Variants in BORCS5 observed in about 807,000 individuals in gnomAD.
The protein encoded by BORCS5 is BLOC-1 related complex subunit 5.
A neutral mutation model predicts 22.1 loss-of-function variants in BORCS5; 17 were observed. That is an observed-to-expected ratio of 0.77 (90% CI 0.53 to 1.15). The LOEUF is 1.15. Among genes scored for constraint, BORCS5 ranks in the 50% most tolerant of loss-of-function variants. The probability of loss-of-function intolerance (pLI) is 0.00; values close to 1 mark genes in which losing one functional copy is unlikely to be tolerated. For synonymous variants in BORCS5, 117 were observed against 99.8 expected, an observed-to-expected ratio of 1.17 and a Z score of -1.03; for missense variants, 247 against 253.2, an observed-to-expected ratio of 0.98 and a Z score of 0.17.
chr12:12,401,753 A>G (rs1941481645), intron 2 of BORCS5, among the ~76,000 whole-genome samples: 1 of 152,118 alleles, frequency 6.6e-6, no homozygotes, highest in Non-Finnish European at 1.5e-5. Context: ...ATGTCATTGG[A>G]TATTGTTTGA....
At position 12,402,065 on chromosome 12, in the gene BORCS5, C is replaced by CA. The variant is rs550592058; in HGVS notation, c.203-33544dup. Reference sequence around the variant, plus strand: ...TGGGCTACAGAGCGAGACTCCGTCTCAAAAAAAAAAAAAAAAAAAGTGTAA... The same window carrying CA: ...TGGGCTACAGAGCGAGACTCCGTCTCAAAAAAAAAAAAAAAAAAAAGTGTAA... On this transcript the variant is annotated intron_variant, in intron 2 of 3. Coordinates refer to ENST00000314565, the MANE Select transcript of BORCS5 (RefSeq NM_058169.6). Among the ~76,000 whole-genome samples, 934 of 94,060 alleles carry CA rather than the reference C, an allele frequency of 9.9e-3. 6 individuals carry two copies. The highest frequency in any genetic ancestry group is 0.025 in the Middle Eastern group (4 of 160). 61.7% of individuals were successfully genotyped at this position (94,060 alleles called of 152,430 possible).
intron 2 of BORCS5, among the ~76,000 whole-genome samples, chr12:12,373,487 A>G (rs1316410546): frequency 1.3e-5 from 2 of 152,152 alleles, no homozygotes; most frequent in African/African-American, 4.8e-5. Flanking sequence ...TGAGTGTTTC[A>G]TATATTTTTG....
chr12:12,461,742 A>C (rs1031733082), intron 3 of BORCS5, among the ~76,000 whole-genome samples: 1 of 152,170 alleles, frequency 6.6e-6, no homozygotes, highest in Non-Finnish European at 1.5e-5. Context: ...GAAGCAACAA[A>C]GAGTGCATGC....
At chr12:12,362,585 G>A (rs1332650938) in intron 2 of BORCS5, among the ~76,000 whole-genome samples, 1 of 143,750 alleles carries the variant, frequency 7.0e-6, no homozygotes, top group Non-Finnish European at 1.5e-5. Flanking sequence ...TTAGACTTTG[G>A]TAAACATTCT....
At chr12:12,386,062 G>A (rs1863872555) in intron 2 of BORCS5, among the ~76,000 whole-genome samples, 1 of 149,864 alleles carries the variant, frequency 6.7e-6, no homozygotes, top group African/African-American at 2.5e-5. Flanking sequence ...GTGCAGTGGC[G>A]CAGTCTTGGC....
chr12:12,449,725 G>GT (rs1239031845), intron 3 of BORCS5, among the ~76,000 whole-genome samples: 2 of 152,228 alleles, frequency 1.3e-5, no homozygotes, highest in East Asian at 3.8e-4. Context: ...TGTCCAGTAT[G>GT]TGGAAATCGA....
intron 2 of BORCS5, among the ~76,000 whole-genome samples, chr12:12,415,851 A>G (rs1941933577): frequency 6.6e-6 from 1 of 152,090 alleles, no homozygotes; most frequent in African/African-American, 2.4e-5. Context: ...TAGATGAGTT[A>G]GGGAGTGTTT....
At chr12:12,390,787 TAA>T (rs57681818) in intron 2 of BORCS5, among the ~76,000 whole-genome samples, 2 of 146,262 alleles carry the variant, frequency 1.4e-5, no homozygotes, top group East Asian at 2.0e-4. Flanking sequence ...CCCTGTCTCT[TAA>T]AAAAAAAAAA....
At chr12:12,461,217 G>C (rs556932938) in intron 3 of BORCS5, among the ~76,000 whole-genome samples, 3 of 148,956 alleles carry the variant, frequency 2.0e-5, no homozygotes, top group Admixed American at 6.7e-5. Flanking sequence ...TTTCCAGGCT[G>C]GAGTGTAGCG....
intron 2 of BORCS5, among the ~76,000 whole-genome samples, chr12:12,365,414 C>T (rs1408469081): frequency 4.0e-5 from 6 of 151,660 alleles, no homozygotes; most frequent in Admixed American, 3.3e-4. Flanking sequence ...TCCTGGACTC[C>T]AGTGCTCCTC....
At chr12:12,392,847 T>C (rs1941231660) in intron 2 of BORCS5, among the ~76,000 whole-genome samples, 1 of 152,120 alleles carries the variant, frequency 6.6e-6, no homozygotes, top group Non-Finnish European at 1.5e-5. Context: ...CTGTATCTAT[T>C]TGGCACCCAT....
chr12:12,402,293 CA>C (rs1239543955), intron 2 of BORCS5, among the ~76,000 whole-genome samples: 1 of 152,018 alleles, frequency 6.6e-6, no homozygotes, highest in East Asian at 1.9e-4. Flanking sequence ...AGCAGGGCAT[CA>C]AGGGAGAAAA....
intron 3 of BORCS5, among the ~76,000 whole-genome samples, chr12:12,438,379 A>AAAAT (rs1491307081): frequency 0.06 from 7,273 of 121,390 alleles, 388 homozygotes; most frequent in African/African-American, 0.12. Context: ...AAAAAAAAAA[A>AAAAT]ACGAAAAACA....
In BORCS5 at chr12:12,385,517, T is replaced by A. The variant is rs1044369606; in HGVS notation, c.202+24168T>A. On this transcript the variant is annotated intron_variant, in intron 2 of 3. Transcript: ENST00000314565. ...TCTCACTATTTTTACCCAAGTTCTT[T>A]TTTTTTTTTTGAGATGGAGTCACAC... is the stretch of plus-strand genomic sequence containing the variant. 2.3e-4 allele frequency among the ~76,000 whole-genome samples: 34 copies of A among 150,572 alleles called. 1 individual carries two copies. Among genetic ancestry groups the A allele is most frequent in the African/African-American group, 8.3e-4 (34 of 41,010 alleles).
At chr12:12,383,816 C>G (rs1295857032) in intron 2 of BORCS5, among the ~76,000 whole-genome samples, 1 of 150,880 alleles carries the variant, frequency 6.6e-6, no homozygotes, top group Non-Finnish European at 1.5e-5. Context: ...ATTTATCCTA[C>G]TTGGGGCCTT....
In BORCS5 at chr12:12,420,372, T is replaced by G. The variant is rs1942083240; in HGVS notation, c.203-15256T>G. The stretch of plus-strand genomic sequence containing the variant: ...GATGGTTGTAGATGTGTGGTGTTAT[T>G]TCTGAGGGCTCTGTTCTGTTCCATT... On this transcript the variant is annotated intron_variant, in intron 2 of 3. Coordinates refer to ENST00000314565, the MANE Select transcript of BORCS5 (RefSeq NM_058169.6). Among the ~76,000 whole-genome samples the G allele has an allele frequency of 2.0e-5, 3 of 152,236 alleles. No homozygotes were observed. In the East Asian group the frequency reaches 5.8e-4, roughly 29 times the overall value.
intron 2 of BORCS5, among the ~76,000 whole-genome samples, chr12:12,393,878 A>G (rs1480653509): frequency 1.3e-5 from 2 of 151,988 alleles, no homozygotes; most frequent in African/African-American, 4.8e-5. Flanking sequence ...ACATGCTAAT[A>G]TACCAATTAG....
chr12:12,376,518 C>T (rs1336758327), intron 2 of BORCS5, among the ~76,000 whole-genome samples: 2 of 152,198 alleles, frequency 1.3e-5, no homozygotes, highest in African/African-American at 4.8e-5. Flanking sequence ...CAGGCGTGAG[C>T]CACTGCACCT....
chr12:12,431,296 CTTA>C (rs923988781), intron 2 of BORCS5, among the ~76,000 whole-genome samples: 4 of 151,188 alleles, frequency 2.6e-5, no homozygotes, highest in African/African-American at 9.7e-5. Flanking sequence ...ATTTGTTTTT[CTTA>C]TTATAAGTGA....
Sources: gnomAD v4.1 joint callset for allele counts (sites outside exome capture counted in the v4.1 genomes callset) on GRCh38, gnomAD v4.1.1 for gene constraint, MANE v1.5 for transcripts, NCBI Gene and HGNC (gene_info 2026-07-23, HGNC 2026-07-21) for gene names.